Variants in WRN observed in about 807,000 individuals in gnomAD.
WRN encodes the protein WRN RecQ like helicase.
WRN carries 149 observed loss-of-function variants against 180.7 expected under a neutral mutation model. That is an observed-to-expected ratio of 0.82 (90% CI 0.72 to 0.94). The LOEUF (loss-of-function observed/expected upper bound fraction) is 0.94. WRN is among the 40% of genes least tolerant of loss of function. WRN has a pLI of 0.00. For missense variants in WRN, 1,661 were observed against 1,700.1 expected, an observed-to-expected ratio of 0.98 and a Z score of 0.40; for synonymous variants, 548 against 568.9, an observed-to-expected ratio of 0.96 and a Z score of 0.52.
chr8:31,053,591 A>C (rs1204306662), intron 1 of WRN, among the ~76,000 whole-genome samples: 1 of 152,224 alleles, frequency 6.6e-6, no homozygotes, highest in Non-Finnish European at 1.5e-5. Flanking sequence ...AGATTTGTTG[A>C]AGTGTAGTTA....
At chr8:31,172,541 G>T (rs1219190884) in intron 34 of WRN, among the ~76,000 whole-genome samples, 1 of 152,214 alleles carries the variant, frequency 6.6e-6, no homozygotes, top group East Asian at 1.9e-4. Context: ...ACAGGGTGCT[G>T]ATTGGACCAG....
intron 1 of WRN, among the ~76,000 whole-genome samples, chr8:31,047,662 T>C (rs1273755352): frequency 2.0e-5 from 3 of 152,144 alleles, no homozygotes; most frequent in Admixed American, 2.0e-4. Flanking sequence ...TCCTATAAAA[T>C]TTTATTTCAG....
intron 1 of WRN, among the ~76,000 whole-genome samples, chr8:31,050,024 A>G (rs968561611): frequency 3.9e-5 from 6 of 152,098 alleles, no homozygotes; most frequent in African/African-American, 7.2e-5. Context: ...AGAGAAATAA[A>G]GTGACTTGTC....
chr8:31,076,247 C>A lies in WRN; in HGVS notation c.799C>A (p.His267Asn). 1 of 1,613,768 alleles carries A rather than the reference C, an allele frequency of 6.2e-7. No homozygotes were observed. The highest frequency in any genetic ancestry group is 8.5e-7 in the Non-Finnish European group (1 of 1,179,904). ...ISEEVMDLAK[H>N]LPHAFSKLEN... The stretch of plus-strand genomic sequence containing the variant: ...TGAGGAAGTGATGGATCTGGCTAAG[C>A]ATCTTCCTCATGCTTTCAGTAAATT... The change falls in exon 8 of 35, where the codon CAT becomes AAT. Residue 267 changes from histidine (H) to asparagine (N), a missense_variant. Transcript: ENST00000298139.
intron 7 of WRN, among the ~76,000 whole-genome samples, chr8:31,075,816 A>G (rs917767875): frequency 5.9e-5 from 9 of 152,154 alleles, no homozygotes; most frequent in Non-Finnish European, 1.3e-4. Flanking sequence ...TGCTTACTAA[A>G]CAGTATTATT....
intron 24 of WRN, among the ~76,000 whole-genome samples, chr8:31,135,164 C>T (rs969549887): frequency 6.6e-6 from 1 of 152,076 alleles, no homozygotes; most frequent in Non-Finnish European, 1.5e-5. Context: ...GCAATCCTCC[C>T]ACCTCAGCCT....
chr8:31,052,912 C>T (rs1812131596), intron 1 of WRN, among the ~76,000 whole-genome samples: 1 of 152,058 alleles, frequency 6.6e-6, no homozygotes, highest in African/African-American at 2.4e-5. Context: ...TATTTTTTTC[C>T]TGCCTGTTTG....
chr8:31,067,066 C>T lies in WRN; in HGVS notation c.538C>T (p.Leu180=), dbSNP rs1060503823. ...CACAGAGACCTGGAGCCTTAACAGTCTGGTTAAACACCTCTTAGGTAAACA... is the reference window on the plus strand; with the variant it reads ...CACAGAGACCTGGAGCCTTAACAGTTTGGTTAAACACCTCTTAGGTAAACA... ...KCTETWSLNS[L]VKHLLGKQLL... is the part of the protein sequence containing the mutation. The change falls in exon 6 of 35, where the codon CTG becomes TTG. Residue 180 remains leucine (L), a synonymous_variant. Transcript: ENST00000298139. 1 of 1,613,778 alleles carries T rather than the reference C, an allele frequency of 6.2e-7. No homozygotes were observed. The highest frequency in any genetic ancestry group is 1.3e-5 in the African/African-American group (1 of 74,914).
At chr8:31,114,522 T>A (rs112414794) in intron 19 of WRN, among the ~76,000 whole-genome samples, 1 of 152,146 alleles carries the variant, frequency 6.6e-6, no homozygotes, top group Non-Finnish European at 1.5e-5. Flanking sequence ...CCACCTTTTT[T>A]AAAAAAGAGT....
Position 31,124,620 on chromosome 8 carries a change from G to A in WRN, c.2729G>A (p.Arg910Lys). 6.2e-7 allele frequency: 1 copy of A among 1,606,318 alleles called. No homozygotes were observed. The highest frequency in any genetic ancestry group is 1.1e-5 in the South Asian group (1 of 90,882). ...EKYLHSSRCR[R>K]QIILSHFEDK... The stretch of plus-strand genomic sequence containing the variant: ...TATCTTCATTCTAGCAGATGTAGGA[G>A]ACAGTATGTATTATTTATTTTATGC... Residue 910 changes from arginine to lysine, a missense_variant, in exon 22 of 35, where the codon AGA becomes AAA. Coordinates refer to ENST00000298139, the MANE Select transcript of WRN (RefSeq NM_000553.6).
intron 23 of WRN, among the ~76,000 whole-genome samples, chr8:31,127,581 C>A (rs952634389): frequency 6.6e-6 from 1 of 151,726 alleles, no homozygotes; most frequent in East Asian, 1.9e-4. Flanking sequence ...GTTTTATGCA[C>A]CTTTAAAAAA....
intron 21 of WRN, among the ~76,000 whole-genome samples, chr8:31,120,824 C>T (rs1302802162): frequency 6.6e-6 from 1 of 151,974 alleles, no homozygotes; most frequent in Non-Finnish European, 1.5e-5. Flanking sequence ...GATTTTGTTA[C>T]TGATTCTTTC....
intron 19 of WRN, among the ~76,000 whole-genome samples, chr8:31,113,316 A>C (rs1402162973): frequency 6.6e-6 from 1 of 152,162 alleles, no homozygotes; most frequent in Non-Finnish European, 1.5e-5. Context: ...ATGCTAGGCC[A>C]AGAAAATCCT....
chr8:31,130,618 GTT>G (rs35645656), intron 23 of WRN, among the ~76,000 whole-genome samples: 91,786 of 143,128 alleles, frequency 0.64, 28,977 homozygotes, highest in East Asian at 0.85. Context: ...TAGGATTTGG[GTT>G]TTTTTTTTTT....
intron 1 of WRN, among the ~76,000 whole-genome samples, chr8:31,038,080 G>A (rs1312780911): frequency 1.3e-5 from 2 of 151,854 alleles, no homozygotes; most frequent in African/African-American, 4.8e-5. Flanking sequence ...ATCTGTTTGA[G>A]TTCCTATTTT....
intron 18 of WRN, among the ~76,000 whole-genome samples, chr8:31,102,885 A>G (rs1800937227): frequency 6.6e-6 from 1 of 152,162 alleles, no homozygotes; most frequent in African/African-American, 2.4e-5. Context: ...AACCTAAAAC[A>G]TTTTTTGACT....
At chr8:31,132,807 A>G (rs1173610851) in intron 24 of WRN, among the ~76,000 whole-genome samples, 1 of 152,208 alleles carries the variant, frequency 6.6e-6, no homozygotes, top group East Asian at 1.9e-4. Flanking sequence ...CTTGCTTAGG[A>G]TAATTAGGAA....
Position 31,124,664 on chromosome 8 carries a change from G to T in WRN, c.2732+41G>T, listed in dbSNP as rs576138858. 3 of 1,523,822 alleles carry T rather than the reference G, an allele frequency of 2.0e-6. No individual in the cohort carries two copies. In the South Asian group the frequency reaches 3.4e-5, roughly 17 times the overall value. The allele number at this position is 1,523,822 out of a possible 1,614,324, so 94.4% of individuals were successfully genotyped here. ...TTTATGCCAATAGTATGGATTTATG[G>T]ATGATGCTCTTTTAAGACAACAATT... On this transcript the variant is annotated intron_variant, in intron 22 of 34. Transcript: ENST00000298139.
intron 15 of WRN, 105 bp from the exon 16 acceptor site, chr8:31,091,725 A>G: frequency 4.2e-6 from 5 of 1,177,994 alleles, no homozygotes; most frequent in Non-Finnish European, 6.2e-6. Flanking sequence ...ATTGCAAAGA[A>G]CAGGAATATA....
Sources: allele counts gnomAD v4.1 joint callset (sites outside exome capture counted in the v4.1 genomes callset), GRCh38; gene constraint gnomAD v4.1.1; transcripts MANE v1.5; gene names NCBI Gene and HGNC (gene_info 2026-07-23, HGNC 2026-07-21).